Variants in DPP10 observed in about 807,000 individuals in gnomAD.
DPP10 encodes dipeptidyl peptidase like 10.
DPP10 carries 33 observed loss-of-function variants against 120.9 expected under a neutral mutation model. That is an observed-to-expected ratio of 0.27 (90% CI 0.21 to 0.37). The LOEUF is 0.37. Among genes scored for constraint, DPP10 ranks in the 10% least tolerant of loss-of-function variants. DPP10 has a pLI of 1.00. For missense variants in DPP10, 816 were observed against 942.8 expected, an observed-to-expected ratio of 0.87 and a Z score of 1.76; for synonymous variants, 337 against 326.1, an observed-to-expected ratio of 1.03 and a Z score of -0.36.
chr2:115,248,958 C>T (rs764725354), intron 1 of DPP10, among the ~76,000 whole-genome samples: 38 of 152,030 alleles, frequency 2.5e-4, no homozygotes, highest in Non-Finnish European at 3.2e-4. Context: ...ATGAATGTCA[C>T]AGAAAAAGAG....
At chr2:114,603,978 G>A (rs545070194) in intron 1 of DPP10, among the ~76,000 whole-genome samples, 76 of 152,180 alleles carry the variant, frequency 5.0e-4, no homozygotes, top group Middle Eastern at 3.4e-3. Context: ...GGTACATGGG[G>A]CAAAGTTTGG....
chr2:115,205,820 T>G (rs1559237433), intron 1 of DPP10, among the ~76,000 whole-genome samples: 1 of 152,064 alleles, frequency 6.6e-6, no homozygotes, highest in Non-Finnish European at 1.5e-5. Context: ...AAGAGGGAGA[T>G]AAACATTGCA....
intron 3 of DPP10, among the ~76,000 whole-genome samples, chr2:115,441,128 AT>A (rs1446445275): frequency 6.6e-6 from 1 of 152,252 alleles, no homozygotes; most frequent in African/African-American, 2.4e-5. Flanking sequence ...AAGGTTAGGC[AT>A]TTCAATCTTA....
rs1225107799 is a variant in DPP10 at position 115,843,878 on chromosome 2, A to G, written c.*1533A>G. 1.3e-5 allele frequency: 2 copies of G among 152,616 alleles called. No homozygotes were observed. Among genetic ancestry groups the G allele is most frequent in the African/African-American group, 2.4e-5 (1 of 41,468 alleles). 9.5% of individuals were successfully genotyped at this position (152,616 alleles called of 1,614,324 possible). A position where few individuals can be genotyped will look rare whatever the true frequency, so the allele number is the denominator to read the frequency against. ...TAAAAAAGTCCTTAGGACAGACTGA[A>G]TTATCATAACTTATGGCATCAGGAG... is the stretch of plus-strand genomic sequence containing the variant. On this transcript the variant is annotated 3_prime_UTR_variant, in exon 26 of 26. Coordinates refer to ENST00000410059, the MANE Select transcript of DPP10 (RefSeq NM_020868.6).
chr2:114,714,596 C>G (rs974263821), intron 1 of DPP10, among the ~76,000 whole-genome samples: 9 of 152,212 alleles, frequency 5.9e-5, no homozygotes, highest in Admixed American at 4.6e-4. Context: ...CCTGGTCTGG[C>G]TCCTTGAAAG....
At chr2:114,793,206 G>C (rs1683400764) in intron 1 of DPP10, among the ~76,000 whole-genome samples, 1 of 151,962 alleles carries the variant, frequency 6.6e-6, no homozygotes, top group African/African-American at 2.4e-5. Context: ...GTGAAGCCTT[G>C]TCACATAGGT....
chr2:115,750,272 C>A, intron 10 of DPP10: 1 of 909,380 alleles, frequency 1.1e-6, no homozygotes, highest in Non-Finnish European at 1.3e-6. Flanking sequence ...ATATGAATCA[C>A]AGGGAGATGT....
chr2:115,212,957 C>A (rs1160583269), intron 1 of DPP10, among the ~76,000 whole-genome samples: 2 of 152,004 alleles, frequency 1.3e-5, no homozygotes, highest in Non-Finnish European at 2.9e-5. Context: ...ACAAATAGTT[C>A]ATTTATATAA....
At chr2:115,459,181 G>C (rs971267728) in intron 3 of DPP10, among the ~76,000 whole-genome samples, 7 of 150,750 alleles carry the variant, frequency 4.6e-5, no homozygotes, top group Non-Finnish European at 8.9e-5. Flanking sequence ...TTTTTAGTCT[G>C]GGTCATGCTC....
intron 1 of DPP10, among the ~76,000 whole-genome samples, chr2:115,305,026 T>C (rs1437983172): frequency 6.6e-6 from 1 of 152,096 alleles, no homozygotes; most frequent in Non-Finnish European, 1.5e-5. Flanking sequence ...GCAATCACAA[T>C]GTTTAATATG....
At chr2:115,571,260 G>A (rs2081321134) in intron 5 of DPP10, among the ~76,000 whole-genome samples, 1 of 152,078 alleles carries the variant, frequency 6.6e-6, no homozygotes, top group Admixed American at 6.6e-5. Flanking sequence ...GATTCAGGGA[G>A]TACCTGTGCA....
intron 1 of DPP10, among the ~76,000 whole-genome samples, chr2:115,271,101 AG>A (rs1339519735): frequency 1.3e-5 from 2 of 152,224 alleles, no homozygotes; most frequent in Admixed American, 6.5e-5. Context: ...TGCAGCTTAA[AG>A]GGAATTTGCA....
intron 5 of DPP10, among the ~76,000 whole-genome samples, chr2:115,544,369 G>A (rs2079368355): frequency 6.6e-6 from 1 of 151,984 alleles, no homozygotes; most frequent in Admixed American, 6.6e-5. Context: ...TGCTATTTCT[G>A]CAAGTCTTTT....
intron 1 of DPP10, among the ~76,000 whole-genome samples, chr2:114,925,012 C>T (rs563076977): frequency 6.6e-6 from 1 of 152,174 alleles, no homozygotes; most frequent in African/African-American, 2.4e-5. Context: ...GAGTTTGAGA[C>T]CAGCCTGGCT....
chr2:115,427,206 C>A (rs543926021), intron 3 of DPP10, among the ~76,000 whole-genome samples: 1 of 152,316 alleles, frequency 6.6e-6, no homozygotes, highest in East Asian at 1.9e-4. Context: ...TTGGCACCAC[C>A]CGTCTGGAGT....
chr2:115,014,479 G>C (rs1437484507), intron 1 of DPP10, among the ~76,000 whole-genome samples: 2 of 151,974 alleles, frequency 1.3e-5, no homozygotes, highest in Non-Finnish European at 2.9e-5. Context: ...CAGAAGACAA[G>C]AAATCACTAA....
chr2:114,496,445 T>C (rs1457857730), intron 1 of DPP10, among the ~76,000 whole-genome samples: 2 of 152,150 alleles, frequency 1.3e-5, no homozygotes, highest in Non-Finnish European at 2.9e-5. Context: ...AAGTCCAAGA[T>C]ACAGGTGTCA....
chr2:114,799,748 C>A (rs1003113702), intron 1 of DPP10, among the ~76,000 whole-genome samples: 16 of 151,936 alleles, frequency 1.1e-4, no homozygotes, highest in Admixed American at 1.0e-3. Flanking sequence ...GTTGGATGTC[C>A]CCTGAGAAAT....
chr2:115,152,246 G>C (rs968827490), intron 1 of DPP10, among the ~76,000 whole-genome samples: 5 of 152,148 alleles, frequency 3.3e-5, no homozygotes, highest in African/African-American at 1.2e-4. Flanking sequence ...CATGAAGATA[G>C]TCATAAGCAA....
Sources: allele counts gnomAD v4.1 joint callset (sites outside exome capture counted in the v4.1 genomes callset), GRCh38; gene constraint gnomAD v4.1.1; transcripts MANE v1.5; gene names NCBI Gene and HGNC (gene_info 2026-07-23, HGNC 2026-07-21).